Variants in SPRED1 observed in about 807,000 individuals in gnomAD.
SPRED1 encodes sprouty related EVH1 domain containing 1, also known as sprouty-related, EVH1 domain-containing protein 1.
Under a neutral mutation model 52.3 loss-of-function variants are expected in SPRED1, and 18 were observed. That is an observed-to-expected ratio of 0.34 (90% CI 0.24 to 0.51). The LOEUF is 0.51. Ranked by LOEUF, SPRED1 falls within the 20% of genes least tolerant of loss-of-function variation. SPRED1 has a pLI of 0.97. For synonymous variants in SPRED1, 155 were observed against 179.7 expected (o/e 0.86, Z 1.10); for missense variants, 485 against 551.0 (o/e 0.88, Z 1.20).
At chr15:38,338,151 C>T (rs1277779742) in intron 4 of SPRED1, among the ~76,000 whole-genome samples, 2 of 150,216 alleles carry the variant, frequency 1.3e-5, no homozygotes, top group Admixed American at 1.3e-4. Flanking sequence ...GTGGAGGTTG[C>T]AGTGAGCCGA....
chr15:38,352,837 A>C lies in SPRED1; in HGVS notation c.*1173A>C, dbSNP rs1363723584. The C allele has an allele frequency of 6.6e-6, 1 of 152,242 alleles. No homozygotes were observed. The highest frequency in any genetic ancestry group is 1.9e-4 in the East Asian group (1 of 5,194). 9.4% of individuals were successfully genotyped at this position (152,242 alleles called of 1,614,324 possible). On this transcript the variant is annotated 3_prime_UTR_variant, in exon 7 of 7. Transcript: ENST00000299084. The stretch of plus-strand genomic sequence containing the variant: ...TTTTTATTTAAACTGGCCAAAAGCA[A>C]AATTATTTTATGTTAAAATGTGTGC...
At chr15:38,303,184 C>CAAAA (rs34042560) in intron 2 of SPRED1, among the ~76,000 whole-genome samples, 1 of 145,678 alleles carries the variant, frequency 6.9e-6, no homozygotes. Flanking sequence ...GACTCTGTCT[C>CAAAA]AAAAAAAAAA....
At chr15:38,276,284 A>G (rs1387568193) in intron 1 of SPRED1, among the ~76,000 whole-genome samples, 1 of 151,590 alleles carries the variant, frequency 6.6e-6, no homozygotes, top group Non-Finnish European at 1.5e-5. Context: ...GGTGTATAAC[A>G]ATTGTAAATT....
intron 2 of SPRED1, among the ~76,000 whole-genome samples, chr15:38,315,948 A>C (rs1215163539): frequency 6.6e-6 from 1 of 151,994 alleles, no homozygotes; most frequent in Non-Finnish European, 1.5e-5. Context: ...CTGGATGGTG[A>C]GTGGTAGAGA....
Position 38,253,012 on chromosome 15 carries a change from G to C in SPRED1, c.-174G>C, listed in dbSNP as rs1470501207. The C allele has an allele frequency of 3.1e-6, 2 of 640,536 alleles. No homozygotes were observed. The highest frequency in any genetic ancestry group is 5.6e-6 in the Non-Finnish European group (2 of 359,324). 39.7% of individuals were successfully genotyped at this position (640,536 alleles called of 1,614,324 possible). ...CGCCACCCCCCTGCGGGGGTGGCCGGGGTTCCCGGCTGGGGGGGTACCGTT... is the reference window on the plus strand; with the variant it reads ...CGCCACCCCCCTGCGGGGGTGGCCGCGGTTCCCGGCTGGGGGGGTACCGTT... On this transcript the variant is annotated 5_prime_UTR_variant, in exon 1 of 7. Transcript: ENST00000299084.
chr15:38,289,010 T>C (rs1894866243), intron 1 of SPRED1, among the ~76,000 whole-genome samples: 1 of 152,208 alleles, frequency 6.6e-6, no homozygotes, highest in African/African-American at 2.4e-5. Context: ...TCCTTCGGAA[T>C]TTAAACTACA....
chr15:38,288,233 G>T (rs1894848765), intron 1 of SPRED1, among the ~76,000 whole-genome samples: 1 of 152,110 alleles, frequency 6.6e-6, no homozygotes, highest in Admixed American at 6.6e-5. Context: ...GTAGAGGAAG[G>T]TACTGGAAAT....
intron 1 of SPRED1, among the ~76,000 whole-genome samples, chr15:38,261,847 G>A (rs1332622875): frequency 6.6e-6 from 1 of 152,190 alleles, no homozygotes; most frequent in Admixed American, 6.5e-5. Flanking sequence ...GTTTTTTAAT[G>A]ACTTCTATAT....
chr15:38,320,611 A>G (rs572471022), intron 2 of SPRED1, among the ~76,000 whole-genome samples: 1 of 152,286 alleles, frequency 6.6e-6, no homozygotes, highest in Admixed American at 6.5e-5. Context: ...GCAAGTGATA[A>G]TGGTGATTGG....
At chr15:38,266,564 C>A (rs1008570511) in intron 1 of SPRED1, among the ~76,000 whole-genome samples, 2 of 152,142 alleles carry the variant, frequency 1.3e-5, no homozygotes, top group Non-Finnish European at 2.9e-5. Context: ...AATGCCTGAA[C>A]CCGGGAAGCT....
intron 5 of SPRED1, among the ~76,000 whole-genome samples, chr15:38,348,430 G>A (rs1236576637): frequency 6.6e-6 from 1 of 151,832 alleles, no homozygotes; most frequent in South Asian, 2.1e-4. Context: ...GTGTGTGTGT[G>A]TGTGTGTGTC....
chr15:38,263,230 A>G (rs1214236624), intron 1 of SPRED1, among the ~76,000 whole-genome samples: 1 of 152,232 alleles, frequency 6.6e-6, no homozygotes, highest in Non-Finnish European at 1.5e-5. Flanking sequence ...AGGTGGGAAT[A>G]GAGATGAACC....
chr15:38,259,567 A>G (rs1432931357), intron 1 of SPRED1, among the ~76,000 whole-genome samples: 1 of 152,190 alleles, frequency 6.6e-6, no homozygotes, highest in African/African-American at 2.4e-5. Flanking sequence ...AAAGAGAAAA[A>G]AAGTATGGCC....
intron 2 of SPRED1, among the ~76,000 whole-genome samples, chr15:38,311,824 T>C (rs888014545): frequency 6.6e-6 from 1 of 152,122 alleles, no homozygotes; most frequent in Non-Finnish European, 1.5e-5. Flanking sequence ...GCTAGAGATG[T>C]ATCAATTGTA....
At position 38,352,022 on chromosome 15, in the gene SPRED1, C is replaced by T. The variant is rs569990101; in HGVS notation, c.*358C>T. ...TTAAAGGTTTGAATTTATTAGGACA[C>T]GAACTAAAAATAAAAGTGCACTAGG... On this transcript the variant is annotated 3_prime_UTR_variant, in exon 7 of 7. Transcript: ENST00000299084. 6 of 246,230 alleles carry T rather than the reference C, an allele frequency of 2.4e-5. No homozygotes were observed. Among genetic ancestry groups the T allele is most frequent in the Middle Eastern group, 2.8e-3 (2 of 706 alleles). The allele number at this position is 246,230 out of a possible 1,614,324, so 15.3% of individuals were successfully genotyped here. A position where few individuals can be genotyped will look rare whatever the true frequency, so the allele number is the denominator to read the frequency against.
At chr15:38,294,841 G>A (rs1459598378) in intron 1 of SPRED1, among the ~76,000 whole-genome samples, 3 of 152,164 alleles carry the variant, frequency 2.0e-5, no homozygotes, top group Admixed American at 6.5e-5. Context: ...TGTGATTAAA[G>A]CTATGTACTA....
chr15:38,302,658 T>C (rs1243052425), intron 2 of SPRED1, among the ~76,000 whole-genome samples: 1 of 152,226 alleles, frequency 6.6e-6, no homozygotes, highest in East Asian at 1.9e-4. Context: ...GCCTCCAGAC[T>C]GGTTGCCTTA....
intron 1 of SPRED1, among the ~76,000 whole-genome samples, chr15:38,258,084 T>C (rs1414049256): frequency 6.6e-6 from 1 of 152,212 alleles, no homozygotes; most frequent in Non-Finnish European, 1.5e-5. Context: ...TCAGATAATG[T>C]ACAAAATGAT....
At chr15:38,280,263 C>A (rs1459004376) in intron 1 of SPRED1, among the ~76,000 whole-genome samples, 2 of 152,066 alleles carry the variant, frequency 1.3e-5, no homozygotes, top group Admixed American at 1.3e-4. Flanking sequence ...TAAAGGAACA[C>A]AATAGTATAA....
Sources: allele counts gnomAD v4.1 joint callset (sites outside exome capture counted in the v4.1 genomes callset), GRCh38; gene constraint gnomAD v4.1.1; transcripts MANE v1.5; gene names NCBI Gene and HGNC (gene_info 2026-07-23, HGNC 2026-07-21).